The following CCR3 variants were observed in gnomAD, a reference collection of about 807,000 sequenced individuals.
CCR3 encodes the protein C-C chemokine receptor type 3.
For synonymous variants in CCR3, 203 were observed against 179.2 expected, an observed-to-expected ratio of 1.13 and a Z score of -1.06; for missense variants, 419 against 437.5, an observed-to-expected ratio of 0.96 and a Z score of 0.38.
At chr3:46,229,039 T>C (rs891884945) in intron 2 of CCR3, among the ~76,000 whole-genome samples, 1 of 152,228 alleles carries the variant, frequency 6.6e-6, no homozygotes, top group Non-Finnish European at 1.5e-5. Flanking sequence ...ATGTGAGAGC[T>C]TTGATAGCTT....
chr3:46,223,208 T>C (rs1699856180), intron 2 of CCR3, among the ~76,000 whole-genome samples: 1 of 152,056 alleles, frequency 6.6e-6, no homozygotes, highest in South Asian at 2.1e-4. Flanking sequence ...AAAAATTAGC[T>C]GGGTGTGGTG....
intron 1 of CCR3, among the ~76,000 whole-genome samples, chr3:46,246,385 G>A (rs1314287982): frequency 6.6e-6 from 1 of 152,144 alleles, no homozygotes; most frequent in African/African-American, 2.4e-5. Context: ...TCAGCGAAGG[G>A]AGATAAGGGT....
chr3:46,260,231 G>A (rs1220435906), intron 1 of CCR3, among the ~76,000 whole-genome samples: 1 of 152,086 alleles, frequency 6.6e-6, no homozygotes, highest in Non-Finnish European at 1.5e-5. Context: ...TTTGGGTGGG[G>A]ACACAGCCAA....
intron 2 of CCR3, among the ~76,000 whole-genome samples, chr3:46,227,853 T>C (rs1289171375): frequency 1.3e-5 from 2 of 152,222 alleles, no homozygotes; most frequent in Admixed American, 6.5e-5. Flanking sequence ...TTATTAAACT[T>C]TAGTTGATTC....
intron 1 of CCR3, among the ~76,000 whole-genome samples, chr3:46,247,047 A>G (rs910589506): frequency 6.6e-5 from 10 of 152,210 alleles, no homozygotes; most frequent in Admixed American, 2.0e-4. Flanking sequence ...TAAAAGGTCT[A>G]AGAATCGGGA....
chr3:46,248,259 C>T (rs1700236155), intron 1 of CCR3, among the ~76,000 whole-genome samples: 1 of 151,958 alleles, frequency 6.6e-6, no homozygotes, highest in Non-Finnish European at 1.5e-5. Context: ...CTGAAGGAGC[C>T]AAGGAGCAGA....
chr3:46,217,277 T>C (rs1367591528), intron 2 of CCR3, among the ~76,000 whole-genome samples: 1 of 152,156 alleles, frequency 6.6e-6, no homozygotes, highest in East Asian at 1.9e-4. Flanking sequence ...ATCCTAGATA[T>C]ATATGCACCT....
chr3:46,243,005 G>GTATATA (rs1326660990), intron 1 of CCR3, among the ~76,000 whole-genome samples: 12 of 131,476 alleles, frequency 9.1e-5, no homozygotes, highest in Non-Finnish European at 1.4e-4. Context: ...ATATATATAC[G>GTATATA]CACACACACA....
chr3:46,251,534 C>A (rs1034623616), intron 1 of CCR3, among the ~76,000 whole-genome samples: 1 of 152,046 alleles, frequency 6.6e-6, no homozygotes. Flanking sequence ...ATCTTTCTCA[C>A]GGAGCAAAGA....
At chr3:46,231,792 G>C (rs900428527) in intron 2 of CCR3, among the ~76,000 whole-genome samples, 2 of 152,112 alleles carry the variant, frequency 1.3e-5, no homozygotes, top group African/African-American at 4.8e-5. Context: ...CTTCAATAAA[G>C]TGGTTTTTAA....
At chr3:46,257,874 C>T (rs186752655) in intron 1 of CCR3, among the ~76,000 whole-genome samples, 3 of 152,338 alleles carry the variant, frequency 2.0e-5, no homozygotes, top group African/African-American at 4.8e-5. Context: ...AATGTTGTAA[C>T]TCTCAGTCCT....
At chr3:46,235,264 T>G (rs1274426768) in intron 2 of CCR3, among the ~76,000 whole-genome samples, 2 of 152,186 alleles carry the variant, frequency 1.3e-5, no homozygotes, top group African/African-American at 4.8e-5. Flanking sequence ...GAAGGGCTTC[T>G]TTCTCTCCAG....
intron 1 of CCR3, chr3:46,263,694 AACCC>A (rs1700567369): frequency 6.6e-6 from 1 of 152,138 alleles, no homozygotes; most frequent in African/African-American, 2.4e-5. Context: ...TCCTCATCAC[AACCC>A]CAAGTGACCC....
chr3:46,240,116 A>G (rs115637657), upstream of CCR3, among the ~76,000 whole-genome samples: 1 of 152,136 alleles, frequency 6.6e-6, no homozygotes, highest in Non-Finnish European at 1.5e-5. Context: ...TGATCTAGGG[A>G]TAAAACTCCC....
chr3:46,225,110 A>G (rs1699879494), intron 2 of CCR3, among the ~76,000 whole-genome samples: 1 of 152,226 alleles, frequency 6.6e-6, no homozygotes, highest in African/African-American at 2.4e-5. Context: ...AAAAGACCAA[A>G]CTATTGCTAC....
intron 1 of CCR3, among the ~76,000 whole-genome samples, chr3:46,255,460 C>A (rs1405263765): frequency 3.3e-5 from 5 of 151,858 alleles, no homozygotes; most frequent in African/African-American, 1.2e-4. Flanking sequence ...TTGGTCATGA[C>A]CTCTTTGCCT....
upstream of CCR3, among the ~76,000 whole-genome samples, chr3:46,240,412 C>T (rs1288831642): frequency 6.6e-6 from 1 of 152,180 alleles, no homozygotes; most frequent in East Asian, 1.9e-4. Context: ...CACCTCACCT[C>T]TTGGTCTTGG....
intron 1 of CCR3, among the ~76,000 whole-genome samples, chr3:46,252,541 T>C (rs1325345509): frequency 6.6e-6 from 1 of 152,126 alleles, no homozygotes; most frequent in African/African-American, 2.4e-5. Context: ...AAAAATTCTA[T>C]TGGACCACTG....
intron 1 of CCR3, among the ~76,000 whole-genome samples, chr3:46,259,460 G>A (rs988064339): frequency 6.6e-6 from 1 of 151,824 alleles, no homozygotes; most frequent in African/African-American, 2.4e-5. Context: ...ACACATGGCT[G>A]GTAAAATTAT....
Sources: gnomAD v4.1 joint callset for allele counts (sites outside exome capture counted in the v4.1 genomes callset) on GRCh38, gnomAD v4.1.1 for gene constraint, MANE v1.5 for transcripts, NCBI Gene and HGNC (gene_info 2026-07-23, HGNC 2026-07-21) for gene names.